PDS5A: variants seen among roughly 807,000 people sequenced by gnomAD.
PDS5A encodes the protein PDS5 cohesin associated factor A.
Under a neutral mutation model 167.1 loss-of-function variants are expected in PDS5A, and 42 were observed. The observed-to-expected ratio is 0.25, with a 90% CI of 0.20 to 0.33. The LOEUF is 0.33. PDS5A is among the 10% of genes least tolerant of loss of function. PDS5A has a pLI of 1.00. For synonymous variants in PDS5A, 553 were observed against 554.6 expected, an observed-to-expected ratio of 1.00 and a Z score of 0.04; for missense variants, 1,033 against 1,605.9, an observed-to-expected ratio of 0.64 and a Z score of 6.10.
intron 2 of PDS5A, among the ~76,000 whole-genome samples, chr4:39,972,236 G>C (rs556614269): frequency 6.6e-6 from 1 of 152,050 alleles, no homozygotes; most frequent in Non-Finnish European, 1.5e-5. Context: ...ATTGAGACAC[G>C]GTTGGCTGGG....
intron 2 of PDS5A, among the ~76,000 whole-genome samples, chr4:39,928,771 G>A (rs1031828309): frequency 2.7e-5 from 4 of 149,990 alleles, no homozygotes; most frequent in South Asian, 4.2e-4. Context: ...GCTGCAGTGC[G>A]CCAAGATCAC....
intron 2 of PDS5A, among the ~76,000 whole-genome samples, chr4:39,930,215 C>CAAAAAAAAAAAAAAAAAAAAAAA (rs764983592): frequency 5.7e-5 from 2 of 35,092 alleles, no homozygotes; most frequent in African/African-American, 1.2e-4. Context: ...GACTCCATCT[C>CAAAAAAAAAAAAAAAAAAAAAAA]AAAAAAAAAA....
intron 2 of PDS5A, 77 bp downstream of exon 2, chr4:39,976,363 C>G (rs1578865337): frequency 3.9e-6 from 5 of 1,281,904 alleles, no homozygotes; most frequent in African/African-American, 1.5e-5. Flanking sequence ...ACTTTAAAGG[C>G]CAGACTGAGC....
At position 39,940,241 on chromosome 4, in the gene PDS5A, GA is replaced by G. The variant is rs367671315; in HGVS notation, c.139-12078del. On this transcript the variant is annotated intron_variant, in intron 2 of 32. Coordinates refer to ENST00000303538, the MANE Select transcript of PDS5A (RefSeq NM_001100399.2). ...CTGGAAGAAAAAATAAAAGAAAAAA[GA>G]AAAAAAGAACCTATTATTTTTAAGA... Among the ~76,000 whole-genome samples, 79 of 151,716 alleles carry G rather than the reference GA, an allele frequency of 5.2e-4. No individual in the cohort carries two copies. The East Asian group carries it at 6.2e-3, about 12-fold the overall frequency.
chr4:39,915,343 A>ATTTTTTT (rs3070904), intron 8 of PDS5A, among the ~76,000 whole-genome samples: 20 of 88,724 alleles, frequency 2.3e-4, no homozygotes, highest in African/African-American at 4.8e-5. Context: ...AACCGGCCTG[A>ATTTTTTT]TTTTTTTTTT....
chr4:39,895,367 G>C (rs1449601155), intron 16 of PDS5A, among the ~76,000 whole-genome samples: 1 of 152,140 alleles, frequency 6.6e-6, no homozygotes, highest in Admixed American at 6.5e-5. Context: ...GTAACACAGT[G>C]GTATTTGTGT....
intron 32 of PDS5A, among the ~76,000 whole-genome samples, chr4:39,831,875 C>CAAAAAAA (rs58913167): frequency 0.026 from 665 of 25,964 alleles, 102 homozygotes; most frequent in Non-Finnish European, 0.036. Context: ...AAACTCGTCT[C>CAAAAAAA]AAAAAAAAAA....
chr4:39,949,401 T>C (rs1728107600), intron 2 of PDS5A, among the ~76,000 whole-genome samples: 1 of 151,668 alleles, frequency 6.6e-6, no homozygotes, highest in Non-Finnish European at 1.5e-5. Flanking sequence ...TATGATTCCA[T>C]TTATATGAAA....
intron 12 of PDS5A, among the ~76,000 whole-genome samples, chr4:39,903,005 T>C (rs908232362): frequency 6.6e-6 from 1 of 152,226 alleles, no homozygotes; most frequent in East Asian, 1.9e-4. Flanking sequence ...TATGAAACAT[T>C]TGTTCTAGAA....
chr4:39,867,733 AACACACACACACACACACACACACACAC>A (rs142147688), intron 22 of PDS5A, among the ~76,000 whole-genome samples: 1 of 130,632 alleles, frequency 7.7e-6, no homozygotes, highest in Admixed American at 7.4e-5. Context: ...AAAAAACCAA[AACACACACACACACACACACACACACAC>A]ACACACACAC....
At chr4:39,920,448 G>T in intron 6 of PDS5A, 49 bp from the exon 7 acceptor site, 1 of 876,100 alleles carries the variant, frequency 1.1e-6, no homozygotes, top group Non-Finnish European at 1.9e-6. Flanking sequence ...GTTAATTTAT[G>T]AGATAGTAAC....
intron 4 of PDS5A, 128 bp from the exon 5 acceptor site, chr4:39,926,061 A>C: frequency 3.1e-6 from 1 of 322,090 alleles, no homozygotes; most frequent in Non-Finnish European, 5.7e-6. Flanking sequence ...CAACATATAA[A>C]ATTTTAAGTG....
rs377623015 is a variant in PDS5A at position 39,908,382 on chromosome 4, C to T, written c.1233+13G>A. 6.9e-6 allele frequency: 11 copies of T among 1,605,162 alleles called. No homozygotes were observed. Among genetic ancestry groups the T allele is most frequent in the African/African-American group, 2.7e-5 (2 of 74,694 alleles). On this transcript the variant is annotated intron_variant, in intron 11 of 32. Coordinates refer to ENST00000303538, the MANE Select transcript of PDS5A (RefSeq NM_001100399.2). ...CAGTAAATTACAGAAGAATAAAATG[C>T]CTCAGATTTTACCCGTTTATCCAGT...
intron 11 of PDS5A, among the ~76,000 whole-genome samples, chr4:39,907,575 GTTTTC>G (rs959702998): frequency 6.8e-5 from 9 of 131,788 alleles, no homozygotes; most frequent in Admixed American, 2.5e-4. Context: ...AACAATCCAT[GTTTTC>G]TTTTCTTTTC....
chr4:39,847,269 G>A (rs1717692307), intron 28 of PDS5A: 1 of 152,050 alleles, frequency 6.6e-6, no homozygotes, highest in Non-Finnish European at 1.5e-5. Context: ...ATTCATGATG[G>A]TCCTGGGTCA....
intron 2 of PDS5A, among the ~76,000 whole-genome samples, chr4:39,941,929 G>C (rs1727261147): frequency 6.6e-6 from 1 of 152,074 alleles, no homozygotes; most frequent in African/African-American, 2.4e-5. Context: ...CCCCATCTCA[G>C]CAACAACAAA....
chr4:39,910,944 A>G (rs1025173645), intron 9 of PDS5A, among the ~76,000 whole-genome samples: 1 of 152,144 alleles, frequency 6.6e-6, no homozygotes, highest in Non-Finnish European at 1.5e-5. Context: ...ATCAGCCTTG[A>G]AAACACAGCA....
At chr4:39,960,304 C>T (rs1406664684) in intron 2 of PDS5A, among the ~76,000 whole-genome samples, 2 of 151,974 alleles carry the variant, frequency 1.3e-5, no homozygotes, top group Non-Finnish European at 1.5e-5. Context: ...AACAAAAAAA[C>T]ACATATATTA....
chr4:39,834,184 CAAA>C (rs34080418), intron 32 of PDS5A, among the ~76,000 whole-genome samples: 6 of 108,334 alleles, frequency 5.5e-5, no homozygotes, highest in African/African-American at 1.5e-4. Context: ...GATATTGTCT[CAAA>C]AAAAAAAAAA....
Sources: allele counts gnomAD v4.1 joint callset (sites outside exome capture counted in the v4.1 genomes callset), GRCh38; gene constraint gnomAD v4.1.1; transcripts MANE v1.5; gene names NCBI Gene and HGNC (gene_info 2026-07-23, HGNC 2026-07-21).